PPP1R13B: variants seen among roughly 807,000 people sequenced by gnomAD.
PPP1R13B encodes the protein apoptosis-stimulating of p53 protein 1.
A neutral mutation model predicts 119.8 loss-of-function variants in PPP1R13B; 44 were observed. The ratio of observed to expected loss-of-function variants is 0.37; its 90% confidence interval spans 0.29 to 0.47. The LOEUF (loss-of-function observed/expected upper bound fraction) is 0.47, where lower values mean the gene tolerates loss of function less well. PPP1R13B is among the 20% of genes least tolerant of loss of function. The pLI is 0.99. For missense variants in PPP1R13B, 1,227 were observed against 1,413.5 expected (o/e 0.87, Z 2.12); for synonymous variants, 542 against 561.5 (o/e 0.97, Z 0.49).
chr14:103,774,556 G>C (rs967064924), intron 4 of PPP1R13B, among the ~76,000 whole-genome samples: 2 of 152,178 alleles, frequency 1.3e-5, no homozygotes, highest in Non-Finnish European at 2.9e-5. Context: ...ACAATTTTCA[G>C]AGAGCAGAAC....
At chr14:103,773,862 A>C (rs2085123922) in intron 4 of PPP1R13B, among the ~76,000 whole-genome samples, 1 of 152,176 alleles carries the variant, frequency 6.6e-6, no homozygotes. Context: ...TAAGTCTAAA[A>C]GTTTTTCTCT....
chr14:103,793,744 T>C (rs971156520), intron 2 of PPP1R13B, among the ~76,000 whole-genome samples: 2 of 152,134 alleles, frequency 1.3e-5, no homozygotes, highest in African/African-American at 4.8e-5. Flanking sequence ...AATGGAAGGT[T>C]TTATCTACCT....
At chr14:103,847,182 T>C in intron 1 of PPP1R13B, 117 bp downstream of exon 1, 1 of 1,005,830 alleles carries the variant, frequency 9.9e-7, no homozygotes, top group Non-Finnish European at 1.2e-6. Context: ...AGCCACTTCC[T>C]TCCCCGCCCG....
intron 1 of PPP1R13B, among the ~76,000 whole-genome samples, chr14:103,815,328 G>T (rs2086252917): frequency 6.6e-6 from 1 of 152,036 alleles, no homozygotes; most frequent in Non-Finnish European, 1.5e-5. Context: ...TTTCTTTTTG[G>T]GATGAAAATA....
intron 3 of PPP1R13B, among the ~76,000 whole-genome samples, chr14:103,779,452 T>C (rs1479513406): frequency 6.6e-6 from 1 of 152,074 alleles, no homozygotes; most frequent in Non-Finnish European, 1.5e-5. Flanking sequence ...TTATGTGTAT[T>C]TTATCTCAAT....
chr14:103,813,973 A>G (rs550024385), intron 1 of PPP1R13B, among the ~76,000 whole-genome samples: 122 of 152,186 alleles, frequency 8.0e-4, no homozygotes, highest in Non-Finnish European at 1.6e-3. Flanking sequence ...GACTTTACAC[A>G]TTCTCAATTG....
intron 9 of PPP1R13B, among the ~76,000 whole-genome samples, chr14:103,745,161 G>C (rs571749117): frequency 9.2e-5 from 14 of 152,218 alleles, no homozygotes; most frequent in African/African-American, 3.4e-4. Context: ...ACGGCCGTAA[G>C]GGATCTGAGT....
chr14:103,738,864 CT>C lies in PPP1R13B; in HGVS notation c.2730+21del. 6.2e-7 allele frequency: 1 copy of C among 1,613,202 alleles called. No homozygotes were observed. Among genetic ancestry groups the C allele is most frequent in the Non-Finnish European group, 8.5e-7 (1 of 1,179,276 alleles). ...ATCCCCTCGCCCCCAGCAGCGTGCACTGGTCCCCGGCTGCAGCTCACCTCAT... is the reference window on the plus strand; with the variant it reads ...ATCCCCTCGCCCCCAGCAGCGTGCACGGTCCCCGGCTGCAGCTCACCTCAT... On this transcript the variant is annotated intron_variant, in intron 13 of 16. Coordinates refer to ENST00000202556, the MANE Select transcript of PPP1R13B (RefSeq NM_015316.3). The surrounding 1 kb of genome is among the most constrained non-coding windows in gnomAD (Gnocchi z 5.6).
chr14:103,767,676 G>A (rs540102397), intron 4 of PPP1R13B, among the ~76,000 whole-genome samples: 49 of 151,598 alleles, frequency 3.2e-4, no homozygotes, highest in East Asian at 5.9e-4. Flanking sequence ...TCTTGCTCTC[G>A]CTCTCCTCCC....
upstream of PPP1R13B, among the ~76,000 whole-genome samples, chr14:103,847,902 G>T (rs1266058873): frequency 1.3e-5 from 2 of 151,770 alleles, no homozygotes; most frequent in African/African-American, 2.4e-5. Flanking sequence ...TCCCGCAGCG[G>T]ATCACGGCAG....
At position 103,805,219 on chromosome 14, in the gene PPP1R13B, T is replaced by C. The variant is rs192976281; in HGVS notation, c.10-7701A>G. The stretch of plus-strand genomic sequence containing the variant: ...CCTACCCTGGGGAAATAAAAATATA[T>C]GTCCACGCAAAGTCTTGTATGCAAA... On this transcript the variant is annotated intron_variant, in intron 1 of 16. Coordinates refer to ENST00000202556, the MANE Select transcript of PPP1R13B (RefSeq NM_015316.3). 2.1e-3 allele frequency among the ~76,000 whole-genome samples: 315 copies of C among 152,288 alleles called. 1 individual carries two copies. Among genetic ancestry groups the C allele is most frequent in the African/African-American group, 7.4e-3 (309 of 41,554 alleles).
chr14:103,738,899 C>T lies in PPP1R13B; in HGVS notation c.2717G>A (p.Arg906Lys). The change falls in exon 13 of 17, where the codon AGG becomes AAG. Residue 906 changes from arginine (R) to lysine (K), a missense_variant. By Grantham distance (26) the Arg-to-Lys change is conservative. Coordinates refer to ENST00000202556, the MANE Select transcript of PPP1R13B (RefSeq NM_015316.3). This position sits in a 1 kb window ranked among gnomAD's most constrained non-coding sequence, Gnocchi z 5.6. ...GCTGCAGCTCACCTCATAGATGATCCTCTGCACCAGATCGAACTCTCCTTC... is the reference window on the plus strand; with the variant it reads ...GCTGCAGCTCACCTCATAGATGATCTTCTGCACCAGATCGAACTCTCCTTC... ...SLEGEFDLVQ[R>K]IIYEVEDPSK... 2 of 1,613,988 alleles carry T rather than the reference C, an allele frequency of 1.2e-6. No individual in the cohort carries two copies. The highest frequency in any genetic ancestry group is 1.7e-6 in the Non-Finnish European group (2 of 1,179,930).
chr14:103,779,286 A>G (rs1314946477), intron 3 of PPP1R13B, among the ~76,000 whole-genome samples: 1 of 152,112 alleles, frequency 6.6e-6, no homozygotes, highest in Non-Finnish European at 1.5e-5. Context: ...CAGCCTGGGC[A>G]ACAGAGCAAG....
rs2084061611 is a variant in PPP1R13B at position 103,735,106 on chromosome 14, A to C, written c.*48T>G. 1.9e-6 allele frequency: 3 copies of C among 1,606,480 alleles called. No homozygotes were observed. Among genetic ancestry groups the C allele is most frequent in the Non-Finnish European group, 2.6e-6 (3 of 1,173,092 alleles). ...TGGAAAACAGCACAATAATCTCTTAAGTGGCTCCTGGTAGCTGGCAAGACC... is the reference window on the plus strand; with the variant it reads ...TGGAAAACAGCACAATAATCTCTTACGTGGCTCCTGGTAGCTGGCAAGACC... On this transcript the variant is annotated 3_prime_UTR_variant, in exon 17 of 17. Coordinates refer to ENST00000202556, the MANE Select transcript of PPP1R13B (RefSeq NM_015316.3).
In PPP1R13B at chr14:103,734,150, A is replaced by C. The variant is rs2084027334; in HGVS notation, c.*1004T>G. 1 of 228,494 alleles carries C rather than the reference A, an allele frequency of 4.4e-6. No homozygotes were observed. The highest frequency in any genetic ancestry group is 4.8e-5 in the Admixed American group (1 of 20,708). 14.2% of individuals were successfully genotyped at this position (228,494 alleles called of 1,614,324 possible). A position where few individuals can be genotyped will look rare whatever the true frequency, so the allele number is the denominator to read the frequency against. On this transcript the variant is annotated 3_prime_UTR_variant, in exon 17 of 17. Transcript: ENST00000202556. ...GGGCCTGGGACAAAGGTGGCCTCAC[A>C]GCCAGCCCAGGCAGGGAGATCGGCA...
intron 1 of PPP1R13B, among the ~76,000 whole-genome samples, chr14:103,844,222 G>A (rs937646085): frequency 1.1e-4 from 16 of 151,268 alleles, no homozygotes; most frequent in African/African-American, 2.2e-4. Context: ...AGCTGAGATC[G>A]TATCATTGCA....
intron 1 of PPP1R13B, among the ~76,000 whole-genome samples, chr14:103,800,780 C>T (rs978588008): frequency 7.7e-4 from 117 of 152,086 alleles, no homozygotes; most frequent in African/African-American, 2.7e-3. Flanking sequence ...AAATTGATAA[C>T]AGCTTTGAAC....
chr14:103,753,760 T>G (rs192091552), intron 6 of PPP1R13B, among the ~76,000 whole-genome samples: 5 of 152,294 alleles, frequency 3.3e-5, no homozygotes, highest in Admixed American at 3.3e-4. Context: ...CTTTTTATTT[T>G]TTTTTGAGAC....
upstream of PPP1R13B, chr14:103,848,328 C>T (rs1335985755): frequency 1.1e-5 from 11 of 985,332 alleles, no homozygotes; most frequent in Non-Finnish European, 1.2e-5. Context: ...GTCCGGTCCT[C>T]GTCTCCAGGG....
Sources: gnomAD v4.1 joint callset for allele counts (sites outside exome capture counted in the v4.1 genomes callset) on GRCh38, gnomAD v4.1.1 for gene constraint, Gnocchi (gnomAD v3.1) non-coding constraint, MANE v1.5 for transcripts, NCBI Gene and HGNC (gene_info 2026-07-23, HGNC 2026-07-21) for gene names.